The following ACSS3 variants were observed in gnomAD, a reference collection of about 807,000 sequenced individuals.
The protein encoded by ACSS3 is acyl-CoA synthetase short-chain family member 3, mitochondrial.
In ACSS3, 64 loss-of-function variants were observed where a neutral mutation model predicts 84.2. The observed-to-expected ratio is 0.76, with a 90% confidence interval of 0.62 to 0.94. The LOEUF (loss-of-function observed/expected upper bound fraction) is 0.94. Ranked by LOEUF, ACSS3 falls within the 40% of genes least tolerant of loss-of-function variation. The pLI, the probability that ACSS3 is intolerant of heterozygous loss-of-function variation, is 0.00. For missense variants in ACSS3, 815 were observed against 867.6 expected, an observed-to-expected ratio of 0.94 and a Z score of 0.76; for synonymous variants, 317 against 310.1, an observed-to-expected ratio of 1.02 and a Z score of -0.23.
intron 13 of ACSS3, among the ~76,000 whole-genome samples, chr12:81,247,998 C>T (rs1014359722): frequency 5.9e-5 from 9 of 151,882 alleles, no homozygotes; most frequent in Admixed American, 5.3e-4. Context: ...CCTAAGTAAA[C>T]ATTTTATGAG....
Position 81,120,528 on chromosome 12 carries a change from T to G in ACSS3, c.456+10824T>G, listed in dbSNP as rs188793889. ...GAGGATAAAGCTAACTAACATAAAT[T>G]GAGGACACTGAGTGGCTAAAGTGGT... On this transcript the variant is annotated intron_variant, in intron 2 of 15. Transcript: ENST00000548058. Among the ~76,000 whole-genome samples the G allele has an allele frequency of 3.6e-3, 542 of 152,298 alleles. 5 individuals carry two copies. The highest frequency in any genetic ancestry group is 0.012 in the African/African-American group (513 of 41,566).
At chr12:81,082,773 A>C (rs1407816201) in intron 1 of ACSS3, among the ~76,000 whole-genome samples, 1 of 152,182 alleles carries the variant, frequency 6.6e-6, no homozygotes, top group African/African-American at 2.4e-5. Flanking sequence ...CTTGAGTTCA[A>C]CCGTAGCTTT....
chr12:81,153,205 C>A lies in ACSS3; in HGVS notation c.1098+1109C>A, dbSNP rs553291943. On this transcript the variant is annotated intron_variant, in intron 7 of 15. Transcript: ENST00000548058. ...GGTGGATCACTTGAGGTCAGGAGTT[C>A]GAGACCAGCCTGCCAAACATGGTGA... 1.7e-4 allele frequency among the ~76,000 whole-genome samples: 26 copies of A among 152,084 alleles called. No individual in the cohort carries two copies. In the South Asian group the frequency reaches 3.5e-3, roughly 21 times the overall value.
chr12:81,151,954 G>T, intron 6 of ACSS3, 30 bp downstream of exon 6: 1 of 1,612,798 alleles, frequency 6.2e-7, no homozygotes, highest in Non-Finnish European at 8.5e-7. Flanking sequence ...TACATTACAT[G>T]ACATTCTCTG....
chr12:81,109,974 G>A (rs564930898), intron 2 of ACSS3, among the ~76,000 whole-genome samples: 2 of 152,142 alleles, frequency 1.3e-5, no homozygotes, highest in Admixed American at 6.5e-5. Flanking sequence ...TCTTCCTCTG[G>A]TCTTTACTCT....
rs576576654 is a variant in ACSS3, at chr12:81,132,088, CT to C, written c.457-2721del. 3.0e-4 allele frequency among the ~76,000 whole-genome samples: 46 copies of C among 152,158 alleles called. 1 individual carries two copies. Among genetic ancestry groups the C allele is most frequent in the African/African-American group, 1.1e-3 (45 of 41,526 alleles). The stretch of plus-strand genomic sequence containing the variant: ...ATCAGGGATATTGGTCTAAAATTCT[CT>C]TTTTTTGTTGTGTCTCTGCCAGGCT... On this transcript the variant is annotated intron_variant, in intron 2 of 15. Coordinates refer to ENST00000548058, the MANE Select transcript of ACSS3 (RefSeq NM_024560.4).
At chr12:81,213,651 A>T (rs1325748355) in intron 9 of ACSS3, among the ~76,000 whole-genome samples, 1 of 2,874 alleles carries the variant, frequency 3.5e-4, no homozygotes, top group Non-Finnish European at 6.1e-4. Context: ...CCCTCCCCTC[A>T]CCTCCTCCCC....
At chr12:81,217,948 G>T (rs1342186669) in intron 10 of ACSS3, among the ~76,000 whole-genome samples, 1 of 152,096 alleles carries the variant, frequency 6.6e-6, no homozygotes, top group African/African-American at 2.4e-5. Flanking sequence ...ATAATATCCT[G>T]TCAATTTTTG....
intron 13 of ACSS3, among the ~76,000 whole-genome samples, chr12:81,248,018 G>A (rs1307776320): frequency 3.9e-5 from 6 of 151,974 alleles, no homozygotes; most frequent in Admixed American, 2.6e-4. Flanking sequence ...GTAATTATTA[G>A]AAAGACAAAA....
intron 13 of ACSS3, among the ~76,000 whole-genome samples, chr12:81,250,470 T>C (rs1172493733): frequency 1.3e-5 from 2 of 152,114 alleles, no homozygotes; most frequent in African/African-American, 4.8e-5. Context: ...TTCTTCCGAT[T>C]TTAAAATACT....
Position 81,161,804 on chromosome 12 carries a change from T to C in ACSS3, c.1098+9708T>C, listed in dbSNP as rs1003429130. ...CAGGACCAAAATGGCAAGGGGTGTG[T>C]GAGCATGCAAGCGTGGGGTCCAGCC... On this transcript the variant is annotated intron_variant, in intron 7 of 15. Transcript: ENST00000548058. Among the ~76,000 whole-genome samples the C allele has an allele frequency of 6.1e-5, 9 of 147,598 alleles. No individual in the cohort carries two copies. The East Asian group carries it at 6.6e-4, about 11-fold the overall frequency.
intron 9 of ACSS3, among the ~76,000 whole-genome samples, chr12:81,204,809 A>C (rs1024256630): frequency 6.6e-6 from 1 of 152,176 alleles, no homozygotes; most frequent in Non-Finnish European, 1.5e-5. Flanking sequence ...AGTAATGACC[A>C]CCAACTTGAG....
At chr12:81,086,234 T>G (rs1327678944) in intron 1 of ACSS3, among the ~76,000 whole-genome samples, 1 of 151,580 alleles carries the variant, frequency 6.6e-6, no homozygotes, top group Admixed American at 6.6e-5. Context: ...TTCATAGCGT[T>G]GTACACAGTA....
rs201818036 is a variant in ACSS3, at chr12:81,216,980, C to A, written c.1434C>A (p.Ser478Arg). Residue 478 changes from serine to arginine, a missense_variant, in exon 10 of 16, where the codon AGC (serine) becomes AGA (arginine). Coordinates refer to ENST00000548058, the MANE Select transcript of ACSS3 (RefSeq NM_024560.4). ...KTPPPGQAGK[S>R]VPGYNVMILD... ...CTCCACCAGGGCAAGCAGGAAAAAG[C>A]GTCCCAGGATACAATGGTAAGGAAT... 4 of 1,609,772 alleles carry A rather than the reference C, an allele frequency of 2.5e-6. No homozygotes were observed. Among genetic ancestry groups the A allele is most frequent in the East Asian group, 2.2e-5 (1 of 44,736 alleles).
chr12:81,220,146 T>A (rs2033053848), intron 11 of ACSS3, 70 bp downstream of exon 11: 5 of 932,792 alleles, frequency 5.4e-6, no homozygotes, highest in Non-Finnish European at 7.7e-6. Flanking sequence ...AAAAATGGGG[T>A]CATTGCAGTG....
At position 81,122,753 on chromosome 12, in the gene ACSS3, G is replaced by A. The variant is rs1007884255; in HGVS notation, c.457-12063G>A. 2.6e-5 allele frequency among the ~76,000 whole-genome samples: 4 copies of A among 152,124 alleles called. 1 individual carries two copies. The South Asian group carries it at 6.2e-4, about 24-fold the overall frequency. On this transcript the variant is annotated intron_variant, in intron 2 of 15. Transcript: ENST00000548058. ...ATATGTGAATGCATAACTGTAAAAA[G>A]TTACCTCTCTAATAGTTGAATTTTC...
At chr12:81,079,522 C>T (rs1880837863) in intron 1 of ACSS3, among the ~76,000 whole-genome samples, 1 of 152,224 alleles carries the variant, frequency 6.6e-6, no homozygotes, top group Non-Finnish European at 1.5e-5. Flanking sequence ...TGTGTCTCCA[C>T]CATGCCCAGT....
At chr12:81,130,094 A>G (rs900111336) in intron 2 of ACSS3, among the ~76,000 whole-genome samples, 4 of 152,190 alleles carry the variant, frequency 2.6e-5, no homozygotes, top group Non-Finnish European at 5.9e-5. Context: ...ATACATGTGC[A>G]TGTGTCTTTA....
intron 2 of ACSS3, among the ~76,000 whole-genome samples, chr12:81,121,949 T>TATTATTATTATTATTA (rs1593085516): frequency 6.8e-6 from 1 of 147,826 alleles, no homozygotes; most frequent in African/African-American, 2.5e-5. Flanking sequence ...TTATTATTAT[T>TATTATTATTATTATTA]TTGAGATGGA....
Sources: allele counts gnomAD v4.1 joint callset (sites outside exome capture counted in the v4.1 genomes callset), GRCh38; gene constraint gnomAD v4.1.1; transcripts MANE v1.5; gene names NCBI Gene and HGNC (gene_info 2026-07-23, HGNC 2026-07-21).